Variants in FMNL2 observed in about 807,000 individuals in gnomAD.
FMNL2 encodes the protein formin-like protein 2.
A neutral mutation model predicts 130.2 loss-of-function variants in FMNL2; 51 were observed. That is an observed-to-expected ratio of 0.39 (90% confidence interval 0.31 to 0.49). FMNL2 has a LOEUF of 0.49. Among genes scored for constraint, FMNL2 ranks in the 20% least tolerant of loss-of-function variants. The probability of loss-of-function intolerance (pLI) is 0.85; values close to 1 mark genes in which losing one functional copy is unlikely to be tolerated. For missense variants in FMNL2, 977 were observed against 1,316.2 expected (o/e 0.74, Z 3.99); for synonymous variants, 465 against 467.1 (o/e 1.00, Z 0.06).
At chr2:152,561,071 A>T in intron 6 of FMNL2, 36 bp downstream of exon 6, 1 of 1,554,262 alleles carries the variant, frequency 6.4e-7, no homozygotes, top group Non-Finnish European at 8.7e-7. Context: ...CTTTGGCAGG[A>T]TGCACTGGGA....
At chr2:152,629,531 C>G in intron 18 of FMNL2, 125 bp from the exon 19 acceptor site, 3 of 802,208 alleles carry the variant, frequency 3.7e-6, no homozygotes, top group Non-Finnish European at 5.9e-6. Flanking sequence ...AGTAGACTCT[C>G]ACCATGAAGC....
Position 152,614,955 on chromosome 2 carries a change from T to C in FMNL2, c.1167T>C (p.Asn389=), listed in dbSNP as rs1559010575. ...TACTGGAAGATGCTGAAACTAAGAA[T>C]GCTGCCTTGGAGAGGGTGGAAGAAC... ...GALLEDAETK[N]AALERVEELE... The change falls in exon 12 of 26, where the codon AAT becomes AAC. Residue 389 remains asparagine, a synonymous_variant. Coordinates refer to ENST00000288670, the MANE Select transcript of FMNL2 (RefSeq NM_052905.4). The C allele has an allele frequency of 1.2e-6, 2 of 1,613,674 alleles. No individual in the cohort carries two copies. The highest frequency in any genetic ancestry group is 1.7e-6 in the Non-Finnish European group (2 of 1,179,802).
chr2:152,501,721 T>TTTTTAAATTAATTAATTAA, intron 1 of FMNL2, among the ~76,000 whole-genome samples: 1 of 152,152 alleles, frequency 6.6e-6, no homozygotes, highest in Non-Finnish European at 1.5e-5. Flanking sequence ...TTTTTTTAAT[T>TTTTTAAATTAATTAATTAA]TTGAGTAATT....
chr2:152,541,445 A>G (rs1354895567), intron 2 of FMNL2, among the ~76,000 whole-genome samples: 1 of 152,142 alleles, frequency 6.6e-6, no homozygotes, highest in Non-Finnish European at 1.5e-5. Context: ...GAAATATAGC[A>G]TCTATATAGA....
At chr2:152,454,382 C>G (rs759240146) in intron 1 of FMNL2, among the ~76,000 whole-genome samples, 1 of 151,904 alleles carries the variant, frequency 6.6e-6, no homozygotes. Flanking sequence ...TATTTTTTCT[C>G]TTGTATTAAA....
chr2:152,587,325 G>A (rs1156369870), intron 9 of FMNL2, among the ~76,000 whole-genome samples: 1 of 152,124 alleles, frequency 6.6e-6, no homozygotes, highest in Non-Finnish European at 1.5e-5. Context: ...ATTGGCCGTC[G>A]GGTTACTGTG....
intron 4 of FMNL2, among the ~76,000 whole-genome samples, chr2:152,552,104 C>T (rs1286176717): frequency 3.3e-5 from 5 of 152,076 alleles, no homozygotes; most frequent in Non-Finnish European, 7.4e-5. Context: ...CTATGTGACC[C>T]AAGTTAAATT....
rs530974940 is a variant in FMNL2 at position 152,336,300 on chromosome 2, A to G, written c.117+580A>G. Reference sequence around the variant, plus strand: ...AGCTTCCCCGAAAGGGAAAGCGGAGACCCACAGCAGTGCGGCGCCCCGGCC... The same window carrying G: ...AGCTTCCCCGAAAGGGAAAGCGGAGGCCCACAGCAGTGCGGCGCCCCGGCC... On this transcript the variant is annotated intron_variant, in intron 1 of 25. Coordinates refer to ENST00000288670, the MANE Select transcript of FMNL2 (RefSeq NM_052905.4). Among the ~76,000 whole-genome samples, 28 of 152,076 alleles carry G rather than the reference A, an allele frequency of 1.8e-4. No individual in the cohort carries two copies. The East Asian group carries it at 5.1e-3, about 28-fold the overall frequency.
At chr2:152,550,551 G>C (rs1466478924) in intron 4 of FMNL2, among the ~76,000 whole-genome samples, 1 of 152,130 alleles carries the variant, frequency 6.6e-6, no homozygotes, top group Non-Finnish European at 1.5e-5. Context: ...CAGGTGCTTT[G>C]GCTCAAGTTG....
chr2:152,464,810 T>G (rs2105146270), intron 1 of FMNL2, among the ~76,000 whole-genome samples: 1 of 152,292 alleles, frequency 6.6e-6, no homozygotes, highest in East Asian at 1.9e-4. Context: ...GTGTGCATGT[T>G]GTTGCTGTTG....
chr2:152,579,485 G>T (rs1351451611), intron 8 of FMNL2, among the ~76,000 whole-genome samples: 1 of 152,138 alleles, frequency 6.6e-6, no homozygotes, highest in Non-Finnish European at 1.5e-5. Context: ...ATCACCTGAG[G>T]TCAGGAGTTG....
chr2:152,508,121 A>C (rs945104020), intron 1 of FMNL2, among the ~76,000 whole-genome samples: 2 of 152,150 alleles, frequency 1.3e-5, no homozygotes, highest in Non-Finnish European at 2.9e-5. Context: ...TGTGCTTATC[A>C]TTTATAAATA....
intron 3 of FMNL2, among the ~76,000 whole-genome samples, chr2:152,546,911 C>T (rs1426163178): frequency 6.6e-6 from 1 of 151,386 alleles, no homozygotes; most frequent in East Asian, 1.9e-4. Context: ...GAGAGAATAC[C>T]TTTAGCTGCC....
Position 152,509,737 on chromosome 2 carries a change from CT to C in FMNL2, c.118-12180del, listed in dbSNP as rs138976882. On this transcript the variant is annotated intron_variant, in intron 1 of 25. Transcript: ENST00000288670. ...GAGAAGGTATATCTGTACTCTGGAC[CT>C]TTTTTTTTTTTTTTTTTTTTTTTTT... is the stretch of plus-strand genomic sequence containing the variant. 5.5e-3 allele frequency among the ~76,000 whole-genome samples: 324 copies of C among 58,638 alleles called. 2 individuals are homozygous for C. The highest frequency in any genetic ancestry group is 0.022 in the African/African-American group (310 of 13,994). The allele number at this position is 58,638 out of a possible 152,430, so 38.5% of individuals were successfully genotyped here.
rs77495566 is a variant in FMNL2, at chr2:152,415,914, G to A, written c.117+80194G>A. On this transcript the variant is annotated intron_variant, in intron 1 of 25. Coordinates refer to ENST00000288670, the MANE Select transcript of FMNL2 (RefSeq NM_052905.4). ...TGAATGTGGTCACCAGGGCAACAAT[G>A]GCAGCCGTCTTTATCCAGATAAGTG... Among the ~76,000 whole-genome samples the A allele has an allele frequency of 6.2e-3, 946 of 152,302 alleles. 3 individuals carry two copies. The highest frequency in any genetic ancestry group is 0.022 in the African/African-American group (902 of 41,558).
intron 4 of FMNL2, among the ~76,000 whole-genome samples, chr2:152,555,561 G>A (rs1056967156): frequency 5.3e-5 from 8 of 150,728 alleles, no homozygotes; most frequent in African/African-American, 1.7e-4. Context: ...TTGATATTAA[G>A]CTGTGACCAG....
Position 152,548,516 on chromosome 2 carries a change from A to G in FMNL2, c.283-505A>G, listed in dbSNP as rs761316264. Among the ~76,000 whole-genome samples the G allele has an allele frequency of 4.2e-4, 64 of 152,304 alleles. 1 individual carries two copies. The highest frequency in any genetic ancestry group is 9.0e-4 in the Non-Finnish European group (61 of 68,022). On this transcript the variant is annotated intron_variant, in intron 3 of 25. Transcript: ENST00000288670. The stretch of plus-strand genomic sequence containing the variant: ...ATAAGAACCTGGCCACTGAGTCTCT[A>G]ATGAGCTTTATGCATGTTGTCATTT...
chr2:152,587,826 A>G (rs143572447), intron 9 of FMNL2, among the ~76,000 whole-genome samples: 47 of 152,376 alleles, frequency 3.1e-4, no homozygotes, highest in African/African-American at 1.1e-3. Flanking sequence ...AAAATGAATC[A>G]GACATATGCC....
Position 152,448,699 on chromosome 2 carries a change from C to T in FMNL2, c.118-73244C>T, listed in dbSNP as rs75286860. 2.4e-4 allele frequency among the ~76,000 whole-genome samples: 37 copies of T among 152,322 alleles called. No individual in the cohort carries two copies. The East Asian group carries it at 5.8e-3, about 24-fold the overall frequency. ...CCTATGCATTAGGCTCTGTAATTCT[C>T]GTGAAGCCTTGCACCATTTTCAGCA... On this transcript the variant is annotated intron_variant, in intron 1 of 25. Transcript: ENST00000288670.
Sources: allele counts gnomAD v4.1 joint callset (sites outside exome capture counted in the v4.1 genomes callset), GRCh38; gene constraint gnomAD v4.1.1; transcripts MANE v1.5; gene names NCBI Gene and HGNC (gene_info 2026-07-23, HGNC 2026-07-21).